CRB1: variants seen among roughly 807,000 people sequenced by gnomAD.
CRB1 encodes protein crumbs homolog 1.
Under a neutral mutation model 120.0 loss-of-function variants are expected in CRB1, and 83 were observed. The observed-to-expected ratio is 0.69, with a 90% CI of 0.58 to 0.83. CRB1 has a LOEUF of 0.83. Ranked by LOEUF, CRB1 falls within the 40% of genes least tolerant of loss-of-function variation. CRB1 has a pLI of 0.00. For synonymous variants in CRB1, 625 were observed against 612.5 expected (o/e 1.02, Z -0.30); for missense variants, 1,699 against 1,687.6 (o/e 1.01, Z -0.12).
At chr1:197,438,795 A>G in intron 10 of CRB1, 120 bp downstream of exon 10, 1 of 1,298,276 alleles carries the variant, frequency 7.7e-7, no homozygotes, top group Non-Finnish European at 1.1e-6. Context: ...CTATGCTGAA[A>G]TAGAGGTTCA....
the CRB1 span, among the ~76,000 whole-genome samples, chr1:197,226,738 C>G: frequency 6.6e-6 from 1 of 152,104 alleles, no homozygotes. Context: ...TGTTTCCATG[C>G]TGCTGTAAAG....
chr1:197,342,511 T>A (rs181282852), intron 2 of CRB1, among the ~76,000 whole-genome samples: 2 of 152,340 alleles, frequency 1.3e-5, no homozygotes, highest in Admixed American at 1.3e-4. Context: ...ATTACCTAAT[T>A]TTAGCTATAT....
the CRB1 span, among the ~76,000 whole-genome samples, chr1:197,231,396 C>T: frequency 6.6e-6 from 1 of 151,980 alleles, no homozygotes; most frequent in South Asian, 2.1e-4. Context: ...TAAGGTATTC[C>T]ACATGCCTGT....
In CRB1 at chr1:197,420,979, C is replaced by A. The variant is rs749263184; in HGVS notation, c.1172-21C>A. ...TTGATGTGAATATATATAATTTTAG[C>A]CCTTTTTTATTATTTAACAGGAATC... On this transcript the variant is annotated intron_variant, in intron 5 of 11. Coordinates refer to ENST00000367400, the MANE Select transcript of CRB1 (RefSeq NM_201253.3). The A allele has an allele frequency of 4.4e-6, 6 of 1,373,990 alleles. No individual in the cohort carries two copies. The African/African-American group carries it at 5.7e-5, about 13-fold the overall frequency. 85.1% of individuals were successfully genotyped at this position (1,373,990 alleles called of 1,614,324 possible).
At chr1:197,241,083 G>A in the CRB1 span, among the ~76,000 whole-genome samples, 51 of 152,142 alleles carry the variant, frequency 3.4e-4, no homozygotes, top group African/African-American at 1.2e-3. Context: ...TAAGCTCCTT[G>A]TAGATTCTGG....
At chr1:197,377,312 C>G (rs1354440499) in intron 5 of CRB1, among the ~76,000 whole-genome samples, 1 of 152,230 alleles carries the variant, frequency 6.6e-6, no homozygotes, top group East Asian at 1.9e-4. Context: ...AGCTCCAGGA[C>G]CTAGCACAGT....
At position 197,424,666 on chromosome 1, in the gene CRB1, G is replaced by A. The variant is rs3888103; in HGVS notation, c.2128+2710G>A. Among the ~76,000 whole-genome samples the A allele has an allele frequency of 6.9e-3, 1,045 of 152,206 alleles. 14 individuals are homozygous for A. Among genetic ancestry groups the A allele is most frequent in the African/African-American group, 0.024 (981 of 41,520 alleles). ...ATTGACTTTTTGGCAGCCACACTTC[G>A]TGATTGCGTCACTTTGTATCATTGT... On this transcript the variant is annotated intron_variant, in intron 6 of 11. Transcript: ENST00000367400.
chr1:197,382,121 A>G (rs1326611190), intron 5 of CRB1, among the ~76,000 whole-genome samples: 1 of 152,178 alleles, frequency 6.6e-6, no homozygotes, highest in Non-Finnish European at 1.5e-5. Context: ...TGTAACAGCC[A>G]ATTATTAATA....
chr1:197,455,703 T>A (rs1199231464), intron 11 of CRB1, among the ~76,000 whole-genome samples: 1 of 152,170 alleles, frequency 6.6e-6, no homozygotes, highest in African/African-American at 2.4e-5. Context: ...GCTTTAATAT[T>A]GTTTCTACTT....
At chr1:197,431,361 A>G (rs1664861688) in intron 8 of CRB1, among the ~76,000 whole-genome samples, 1 of 152,210 alleles carries the variant, frequency 6.6e-6, no homozygotes, top group South Asian at 2.1e-4. Flanking sequence ...ACACATGTAT[A>G]GAAAACATGA....
intron 5 of CRB1, among the ~76,000 whole-genome samples, chr1:197,406,645 T>C (rs575867288): frequency 3.3e-5 from 5 of 152,374 alleles, no homozygotes; most frequent in South Asian, 4.1e-4. Context: ...TTAGAATTTA[T>C]ATTTACAAAA....
chr1:197,243,665 GA>G, the CRB1 span, among the ~76,000 whole-genome samples: 1 of 152,246 alleles, frequency 6.6e-6, no homozygotes. Flanking sequence ...TTGGGGTGGA[GA>G]ATTCTGTAGA....
chr1:197,337,604 A>G (rs958707181), intron 2 of CRB1, among the ~76,000 whole-genome samples: 1 of 152,164 alleles, frequency 6.6e-6, no homozygotes, highest in African/African-American at 2.4e-5. Flanking sequence ...CTCTTAAAAC[A>G]TTGCTACTAA....
At chr1:197,447,622 A>G (rs1445092520) in intron 11 of CRB1, among the ~76,000 whole-genome samples, 1 of 152,072 alleles carries the variant, frequency 6.6e-6, no homozygotes, top group Non-Finnish European at 1.5e-5. Context: ...CAGTAAGATC[A>G]CTTGAGTCTA....
Position 197,435,509 on chromosome 1 carries a change from G to A in CRB1, c.3646G>A (p.Asp1216Asn). ...TGGTGTGAACTGTGAAGTGGATATA[G>A]ACAACTGCCAGAGTCACCAGTGTGC... is the stretch of plus-strand genomic sequence containing the variant. ...YTGVNCEVDI[D>N]NCQSHQCANG... The change falls in exon 9 of 12, where the codon GAC becomes AAC. Residue 1216 changes from aspartate (D) to asparagine (N), a missense_variant. Physicochemically the swap from Asp to Asn is conservative, Grantham distance 23 (BLOSUM62 1). Transcript: ENST00000367400. The A allele has an allele frequency of 6.2e-7, 1 of 1,611,426 alleles. No homozygotes were observed. The highest frequency in any genetic ancestry group is 8.5e-7 in the Non-Finnish European group (1 of 1,178,752).
At chr1:197,398,128 GTTC>G (rs1442417902) in intron 5 of CRB1, among the ~76,000 whole-genome samples, 1 of 152,038 alleles carries the variant, frequency 6.6e-6, no homozygotes, top group African/African-American at 2.4e-5. Flanking sequence ...TTCATCCTCA[GTTC>G]TTCTTATGAC....
intron 5 of CRB1, among the ~76,000 whole-genome samples, chr1:197,391,901 G>A (rs1437752465): frequency 1.3e-5 from 2 of 152,106 alleles, no homozygotes; most frequent in African/African-American, 4.8e-5. Flanking sequence ...GTATCTGAGA[G>A]GGTCCAGGTC....
the CRB1 span, among the ~76,000 whole-genome samples, chr1:197,258,349 C>T: frequency 2.4e-4 from 37 of 152,022 alleles, no homozygotes; most frequent in African/African-American, 5.8e-4. Context: ...TAAACGTTGC[C>T]TCCCCATCCC....
chr1:197,313,091 A>G (rs1185195122), intron 1 of CRB1, among the ~76,000 whole-genome samples: 1 of 152,180 alleles, frequency 6.6e-6, no homozygotes, highest in Non-Finnish European at 1.5e-5. Flanking sequence ...ATCATGGCCA[A>G]AGGTGAAGGG....
Sources: gnomAD v4.1 joint callset for allele counts (sites outside exome capture counted in the v4.1 genomes callset) on GRCh38, gnomAD v4.1.1 for gene constraint, MANE v1.5 for transcripts, NCBI Gene and HGNC (gene_info 2026-07-23, HGNC 2026-07-21) for gene names.